The following AGBL4 variants were observed in gnomAD, a reference collection of about 807,000 sequenced individuals.
AGBL4 encodes cytosolic carboxypeptidase 6.
Under a neutral mutation model 66.4 loss-of-function variants are expected in AGBL4, and 58 were observed. The ratio of observed to expected loss-of-function variants is 0.87; its 90% CI spans 0.71 to 1.09. AGBL4 has a LOEUF of 1.09. AGBL4 is among the 50% of genes least tolerant of loss of function. The pLI is 0.00. For synonymous variants in AGBL4, 234 were observed against 222.9 expected, an observed-to-expected ratio of 1.05 and a Z score of -0.44; for missense variants, 579 against 631.0, an observed-to-expected ratio of 0.92 and a Z score of 0.88.
chr1:50,023,526 T>C (rs546325708), intron 1 of AGBL4, among the ~76,000 whole-genome samples: 68 of 152,300 alleles, frequency 4.5e-4, no homozygotes, highest in African/African-American at 1.5e-3. Context: ...GCCCATGTTC[T>C]GTCAGAAGTG....
At chr1:49,833,673 C>CG (rs1355075693) in intron 2 of AGBL4, among the ~76,000 whole-genome samples, 4 of 152,098 alleles carry the variant, frequency 2.6e-5, no homozygotes, top group Non-Finnish European at 4.4e-5. Flanking sequence ...TTTCATTGAG[C>CG]AGTGGTTTGT....
At chr1:49,899,263 G>T (rs1177975573) in intron 1 of AGBL4, among the ~76,000 whole-genome samples, 1 of 151,294 alleles carries the variant, frequency 6.6e-6, no homozygotes, top group Admixed American at 6.6e-5. Context: ...CCTACTATGT[G>T]TCCACAAAAA....
intron 5 of AGBL4, among the ~76,000 whole-genome samples, chr1:48,905,956 C>T (rs1025135712): frequency 6.6e-6 from 1 of 152,056 alleles, no homozygotes; most frequent in Non-Finnish European, 1.5e-5. Context: ...ATAAAAGTGA[C>T]AAAAATTCCT....
chr1:49,870,882 C>A (rs4285748), intron 1 of AGBL4, among the ~76,000 whole-genome samples: 4 of 151,924 alleles, frequency 2.6e-5, no homozygotes, highest in African/African-American at 7.3e-5. Flanking sequence ...AATATTGGAA[C>A]CTTTGTGCAT....
chr1:49,546,629 C>T (rs764462887), intron 3 of AGBL4, among the ~76,000 whole-genome samples: 5 of 152,084 alleles, frequency 3.3e-5, no homozygotes, highest in Non-Finnish European at 5.9e-5. Context: ...ACCAGCAGTG[C>T]AGAAGTATTC....
intron 6 of AGBL4, among the ~76,000 whole-genome samples, chr1:48,836,775 A>T (rs75954064): frequency 0.027 from 4,103 of 152,138 alleles, 182 homozygotes; most frequent in African/African-American, 0.095. Context: ...CATAGAAATG[A>T]GTAGAATGAG....
intron 5 of AGBL4, among the ~76,000 whole-genome samples, chr1:48,894,033 T>C (rs12088007): frequency 0.077 from 11,732 of 152,252 alleles, 634 homozygotes; most frequent in East Asian, 0.17. Flanking sequence ...GTCGCAAATG[T>C]TGGCCAACAT....
At chr1:48,763,609 A>G (rs1478752004) in intron 6 of AGBL4, among the ~76,000 whole-genome samples, 1 of 152,118 alleles carries the variant, frequency 6.6e-6, no homozygotes, top group Non-Finnish European at 1.5e-5. Flanking sequence ...AGTTGAGGGC[A>G]AAGTCTGACA....
At chr1:48,536,574 C>T (rs1569662678) in intron 12 of AGBL4, among the ~76,000 whole-genome samples, 1 of 152,174 alleles carries the variant, frequency 6.6e-6, no homozygotes, top group East Asian at 1.9e-4. Context: ...ATTTATAATC[C>T]TCTAGCAGTT....
chr1:49,074,575 A>G (rs1644674638), intron 4 of AGBL4, among the ~76,000 whole-genome samples: 1 of 152,230 alleles, frequency 6.6e-6, no homozygotes, highest in Non-Finnish European at 1.5e-5. Context: ...TAAGCCCATT[A>G]TCTTGTTTAA....
rs192534037 is a variant in AGBL4, at chr1:48,942,091, T to C, written c.595-74861A>G. On this transcript the variant is annotated intron_variant, in intron 5 of 13. Transcript: ENST00000371839. ...AAGCATGTTTCCAAGTTAGTAATCATAGATATAGTCCACATAGGAAAGCCT... is the reference window on the plus strand; with the variant it reads ...AAGCATGTTTCCAAGTTAGTAATCACAGATATAGTCCACATAGGAAAGCCT... 2.0e-3 allele frequency among the ~76,000 whole-genome samples: 307 copies of C among 152,318 alleles called. 2 individuals are homozygous for C. Among genetic ancestry groups the C allele is most frequent in the South Asian group, 9.5e-3 (46 of 4,828 alleles).
chr1:49,517,173 G>A (rs1649895086), intron 3 of AGBL4, among the ~76,000 whole-genome samples: 1 of 151,542 alleles, frequency 6.6e-6, no homozygotes, highest in South Asian at 2.1e-4. Flanking sequence ...AATTTGGACT[G>A]TGAAGAAGCA....
intron 7 of AGBL4, among the ~76,000 whole-genome samples, chr1:48,655,908 T>C (rs1646012205): frequency 6.6e-6 from 1 of 152,236 alleles, no homozygotes; most frequent in African/African-American, 2.4e-5. Flanking sequence ...TCAAGGATAC[T>C]TCCTACACTG....
At chr1:49,462,579 T>C (rs1646538957) in intron 3 of AGBL4, among the ~76,000 whole-genome samples, 1 of 151,724 alleles carries the variant, frequency 6.6e-6, no homozygotes, top group Admixed American at 6.6e-5. Context: ...AAGCTCTTCA[T>C]TCAAAAAATA....
intron 5 of AGBL4, among the ~76,000 whole-genome samples, chr1:49,020,167 G>T (rs185305347): frequency 6.6e-6 from 1 of 152,302 alleles, no homozygotes; most frequent in Non-Finnish European, 1.5e-5. Flanking sequence ...AAACCTCTGT[G>T]TTGAGAGAGC....
Position 48,798,801 on chromosome 1 carries a change from C to T in AGBL4, c.634+68390G>A, listed in dbSNP as rs576658465. ...TCCCCACCCACTTTATGTTCTTGTTCGCTTTGTCAAAGATCAGTTGGCTAT... is the reference window on the plus strand; with the variant it reads ...TCCCCACCCACTTTATGTTCTTGTTTGCTTTGTCAAAGATCAGTTGGCTAT... On this transcript the variant is annotated intron_variant, in intron 6 of 13. Coordinates refer to ENST00000371839, the MANE Select transcript of AGBL4 (RefSeq NM_032785.4). Among the ~76,000 whole-genome samples the T allele has an allele frequency of 3.3e-5, 5 of 152,038 alleles. No individual in the cohort carries two copies. In the South Asian group the frequency reaches 6.2e-4, roughly 19 times the overall value.
chr1:48,590,901 C>G lies in AGBL4; in HGVS notation c.1036G>C (p.Glu346Gln), dbSNP rs762239622. The change falls in exon 10 of 14, where the codon GAG becomes CAG. Residue 346 changes from glutamate (E) to glutamine (Q), a missense_variant. Glu to Gln is a conservative substitution (Grantham distance 29). Transcript: ENST00000371839. ...GFMYGNIFED[E>Q]ERFQRQAIFP... ...ATGGCCTGCCTCTGGAACCGTTCCT[C>G]ATCCTCAAAGATGTTGCCATACATG... 2.5e-6 allele frequency: 4 copies of G among 1,609,048 alleles called. No individual in the cohort carries two copies. In the African/African-American group the frequency reaches 4.0e-5, roughly 16 times the overall value.
chr1:48,737,229 A>C (rs185953486), intron 6 of AGBL4, among the ~76,000 whole-genome samples: 48 of 152,324 alleles, frequency 3.2e-4, no homozygotes, highest in Admixed American at 2.7e-3. Flanking sequence ...GGTTGCAGTG[A>C]GCCGAGATCG....
intron 9 of AGBL4, among the ~76,000 whole-genome samples, chr1:48,594,845 C>G (rs1644971400): frequency 6.6e-6 from 1 of 152,014 alleles, no homozygotes; most frequent in Non-Finnish European, 1.5e-5. Context: ...CCAGACCTGC[C>G]CATAAAACTC....
Sources: allele counts gnomAD v4.1 joint callset (sites outside exome capture counted in the v4.1 genomes callset), GRCh38; gene constraint gnomAD v4.1.1; transcripts MANE v1.5; gene names NCBI Gene and HGNC (gene_info 2026-07-23, HGNC 2026-07-21).